Variants in EPHA6 observed in about 807,000 individuals in gnomAD.
The protein encoded by EPHA6 is ephrin type-A receptor 6.
A neutral mutation model predicts 112.0 loss-of-function variants in EPHA6; 50 were observed. The ratio of observed to expected loss-of-function variants is 0.45; its 90% CI spans 0.36 to 0.56. The LOEUF is 0.56. EPHA6 is among the 20% of genes least tolerant of loss of function. The pLI, the probability that EPHA6 is intolerant of heterozygous loss-of-function variation, is 0.00. For missense variants in EPHA6, 1,280 were observed against 1,417.4 expected, an observed-to-expected ratio of 0.90 and a Z score of 1.56; for synonymous variants, 529 against 490.7, an observed-to-expected ratio of 1.08 and a Z score of -1.03.
At chr3:97,244,948 T>C (rs1048144298) in intron 5 of EPHA6, among the ~76,000 whole-genome samples, 6 of 151,976 alleles carry the variant, frequency 3.9e-5, no homozygotes, top group Non-Finnish European at 5.9e-5. Context: ...TTTAATTCCT[T>C]CATAACATAA....
chr3:97,457,834 AG>A (rs1254413098), intron 7 of EPHA6, among the ~76,000 whole-genome samples: 2 of 151,944 alleles, frequency 1.3e-5, no homozygotes, highest in Non-Finnish European at 2.9e-5. Context: ...TGGAAGGCCG[AG>A]GGGGGCGGAT....
intron 14 of EPHA6, among the ~76,000 whole-genome samples, chr3:97,653,208 C>T (rs1239816622): frequency 6.6e-6 from 1 of 151,832 alleles, no homozygotes; most frequent in African/African-American, 2.4e-5. Flanking sequence ...AAACAATCAA[C>T]AAAATGAAAA....
intron 11 of EPHA6, among the ~76,000 whole-genome samples, chr3:97,575,286 A>G (rs1033192856): frequency 6.6e-6 from 1 of 152,172 alleles, no homozygotes; most frequent in Non-Finnish European, 1.5e-5. Flanking sequence ...AATACTCATC[A>G]GGAAGAAAAT....
intron 3 of EPHA6, among the ~76,000 whole-genome samples, chr3:97,040,330 G>T (rs2045268582): frequency 6.6e-6 from 1 of 151,788 alleles, no homozygotes; most frequent in South Asian, 2.1e-4. Flanking sequence ...TTATAAAATG[G>T]GTTTTCTGAG....
intron 2 of EPHA6, among the ~76,000 whole-genome samples, chr3:96,962,039 A>T (rs1157423280): frequency 6.6e-6 from 1 of 152,186 alleles, no homozygotes; most frequent in Non-Finnish European, 1.5e-5. Context: ...CGTCTCATGT[A>T]CTAAATTCCA....
rs1342328835 is a variant in EPHA6, at chr3:97,752,845, G to A, written c.*4144G>A. Among the ~76,000 whole-genome samples the A allele has an allele frequency of 6.6e-6, 1 of 151,980 alleles. No individual in the cohort carries two copies. The highest frequency in any genetic ancestry group is 1.5e-5 in the Non-Finnish European group (1 of 67,948). On this transcript the variant is annotated 3_prime_UTR_variant, in exon 18 of 18. Transcript: ENST00000389672. ...CTGTTATTATAAACTCACAGTTGGT[G>A]TCCATGTCTCTATATATCAAAGAGA...
intron 10 of EPHA6, among the ~76,000 whole-genome samples, chr3:97,531,726 C>T (rs2092697205): frequency 6.6e-6 from 1 of 151,982 alleles, no homozygotes; most frequent in Non-Finnish European, 1.5e-5. Flanking sequence ...ATAATAAATG[C>T]TTGCTAAATA....
intron 11 of EPHA6, among the ~76,000 whole-genome samples, chr3:97,568,576 A>T (rs560805626): frequency 3.3e-5 from 5 of 152,204 alleles, no homozygotes; most frequent in Non-Finnish European, 5.9e-5. Context: ...GCAGCTCCTT[A>T]TGCCTACAAT....
intron 2 of EPHA6, among the ~76,000 whole-genome samples, chr3:96,906,450 A>G (rs1187243509): frequency 6.6e-6 from 1 of 152,022 alleles, no homozygotes; most frequent in East Asian, 1.9e-4. Context: ...GCAATGCATC[A>G]AGACCTCTTG....
rs757887913 is a variant in EPHA6 at position 97,753,011 on chromosome 3, G to C, written c.*4310G>C. ...ATTTTTTAATATGAAGACTCCAAAA[G>C]GTAGAGGAGTACACTGGGTTAAATG... On this transcript the variant is annotated 3_prime_UTR_variant, in exon 18 of 18. Coordinates refer to ENST00000389672, the MANE Select transcript of EPHA6 (RefSeq NM_001080448.3). 1.3e-5 allele frequency among the ~76,000 whole-genome samples: 2 copies of C among 152,034 alleles called. No homozygotes were observed. Among genetic ancestry groups the C allele is most frequent in the African/African-American group, 4.8e-5 (2 of 41,402 alleles).
chr3:96,920,567 A>C (rs1337137455), intron 2 of EPHA6, among the ~76,000 whole-genome samples: 1 of 151,946 alleles, frequency 6.6e-6, no homozygotes, highest in Non-Finnish European at 1.5e-5. Context: ...ACATATTTCT[A>C]TTTAGATCCT....
chr3:97,128,440 G>T (rs1310820795), intron 3 of EPHA6, among the ~76,000 whole-genome samples: 1 of 152,082 alleles, frequency 6.6e-6, no homozygotes, highest in African/African-American at 2.4e-5. Context: ...CTAGCTGTTG[G>T]ATTATAATAC....
At position 97,686,887 on chromosome 3, in the gene EPHA6, GTA is replaced by G. The variant is rs2032288806; in HGVS notation, c.2785-33371_2785-33370del. ...TCTTACTACCCTCACCAGCTTTAGG[GTA>G]TACATTGTTTACCAGTGGCACAGCA... On this transcript the variant is annotated intron_variant, in intron 14 of 17. Transcript: ENST00000389672. Among the ~76,000 whole-genome samples the G allele has an allele frequency of 2.0e-5, 3 of 152,150 alleles. No individual in the cohort carries two copies. In the South Asian group the frequency reaches 6.2e-4, roughly 32 times the overall value.
rs1196023087 is a variant in EPHA6 at position 97,067,098 on chromosome 3, T to A, written c.1114+79105T>A. Among the ~76,000 whole-genome samples, 4 of 152,264 alleles carry A rather than the reference T, an allele frequency of 2.6e-5. No homozygotes were observed. In the East Asian group the frequency reaches 7.7e-4, roughly 29 times the overall value. On this transcript the variant is annotated intron_variant, in intron 3 of 17. Coordinates refer to ENST00000389672, the MANE Select transcript of EPHA6 (RefSeq NM_001080448.3). Reference sequence around the variant, plus strand: ...TATACCTTTTATTTTGTAAGCCTTTTCCCTTTGTCCTCAGTTATTTTAAGT... The same window carrying A: ...TATACCTTTTATTTTGTAAGCCTTTACCCTTTGTCCTCAGTTATTTTAAGT...
chr3:97,657,923 T>C (rs779510844), intron 14 of EPHA6, among the ~76,000 whole-genome samples: 1 of 151,714 alleles, frequency 6.6e-6, no homozygotes, highest in Non-Finnish European at 1.5e-5. Flanking sequence ...TCTAGACACA[T>C]ATCCAATTAT....
At chr3:97,128,705 AG>A (rs1346541236) in intron 3 of EPHA6, among the ~76,000 whole-genome samples, 4 of 152,036 alleles carry the variant, frequency 2.6e-5, no homozygotes, top group African/African-American at 9.6e-5. Context: ...TAGTAGAGAC[AG>A]GGTTTTGCTA....
At chr3:97,532,582 C>T (rs762102548) in intron 11 of EPHA6, 39 bp downstream of exon 11, 3 of 1,516,766 alleles carry the variant, frequency 2.0e-6, no homozygotes, top group African/African-American at 1.4e-5. Flanking sequence ...TTTCACACAC[C>T]TATCTCAGTT....
At chr3:97,311,960 A>G (rs186360979) in intron 5 of EPHA6, among the ~76,000 whole-genome samples, 2 of 151,690 alleles carry the variant, frequency 1.3e-5, no homozygotes, top group Non-Finnish European at 1.5e-5. Flanking sequence ...TCCAATCACT[A>G]TAGTTCATTT....
intron 3 of EPHA6, among the ~76,000 whole-genome samples, chr3:97,113,661 C>T (rs2047792635): frequency 6.6e-6 from 1 of 152,108 alleles, no homozygotes; most frequent in Admixed American, 6.6e-5. Flanking sequence ...AAAAGTCTTT[C>T]TTGCCTTTTT....
Sources: allele counts gnomAD v4.1 joint callset (sites outside exome capture counted in the v4.1 genomes callset), GRCh38; gene constraint gnomAD v4.1.1; transcripts MANE v1.5; gene names NCBI Gene and HGNC (gene_info 2026-07-23, HGNC 2026-07-21).